Variants in UCHL5 observed in about 807,000 individuals in gnomAD.
UCHL5 encodes the protein ubiquitin carboxyl-terminal hydrolase isozyme L5.
UCHL5 carries 34 observed loss-of-function variants against 53.8 expected under a neutral mutation model. That is an observed-to-expected ratio of 0.63 (90% CI 0.48 to 0.84). The LOEUF is 0.84. Ranked by LOEUF, UCHL5 falls within the 40% of genes least tolerant of loss-of-function variation. The pLI is 0.00. For synonymous variants in UCHL5, 111 were observed against 126.3 expected (o/e 0.88, Z 0.81); for missense variants, 290 against 385.6 (o/e 0.75, Z 2.08).
intron 10 of UCHL5, chr1:193,018,465 A>C (rs1655637580): frequency 1.1e-6 from 1 of 874,924 alleles, no homozygotes; most frequent in South Asian, 5.4e-5. Flanking sequence ...ACATAATACA[A>C]GAAGTTTTAT....
chr1:193,029,771 C>A, intron 3 of UCHL5, 114 bp from the exon 4 acceptor site: 1 of 857,350 alleles, frequency 1.2e-6, no homozygotes, highest in Non-Finnish European at 1.7e-6. Context: ...TTTATGAAGT[C>A]TCAGCATAAA....
At position 193,044,341 on chromosome 1, in the gene UCHL5, G is replaced by A. The variant is rs577135598; in HGVS notation, c.246+5405C>T. 7.2e-5 allele frequency among the ~76,000 whole-genome samples: 11 copies of A among 152,172 alleles called. No homozygotes were observed. The East Asian group carries it at 1.7e-3, about 24-fold the overall frequency. ...TCTTTCCTGAAAGACTGAACACATG[G>A]AGTCACACAAATCCAGTACCACTGC... On this transcript the variant is annotated intron_variant, in intron 3 of 10. Coordinates refer to ENST00000367454, the MANE Select transcript of UCHL5 (RefSeq NM_001199261.3).
intron 3 of UCHL5, among the ~76,000 whole-genome samples, chr1:193,035,970 C>T (rs145848274): frequency 1.6e-3 from 245 of 151,250 alleles, no homozygotes; most frequent in African/African-American, 5.7e-3. Context: ...TCATGGTAAC[C>T]GCAATGCAAA....
At chr1:193,029,496 A>T (rs772227499) in intron 4 of UCHL5, 36 bp downstream of exon 4, 1 of 1,613,106 alleles carries the variant, frequency 6.2e-7, no homozygotes. Flanking sequence ...AACTTTCACA[A>T]ATATGACATT....
intron 3 of UCHL5, among the ~76,000 whole-genome samples, chr1:193,034,874 A>G (rs2102553643): frequency 6.6e-6 from 1 of 152,176 alleles, no homozygotes; most frequent in East Asian, 1.9e-4. Flanking sequence ...CAGAAAAAGG[A>G]TTTGAAAAAA....
At chr1:193,039,698 G>C (rs557078211) in intron 3 of UCHL5, among the ~76,000 whole-genome samples, 2 of 152,046 alleles carry the variant, frequency 1.3e-5, no homozygotes, top group Non-Finnish European at 2.9e-5. Flanking sequence ...AAGCAATCCT[G>C]AGCAAAAAGA....
At chr1:193,016,510 A>G (rs540022466) in intron 10 of UCHL5, 115 bp from the exon 11 acceptor site, 1 of 909,194 alleles carries the variant, frequency 1.1e-6, no homozygotes, top group South Asian at 1.8e-5. Flanking sequence ...TACATTGTTT[A>G]TAAGACTTCT....
intron 7 of UCHL5, 188 bp downstream of exon 7, chr1:193,027,897 C>A: frequency 2.0e-6 from 3 of 1,473,410 alleles, no homozygotes; most frequent in Middle Eastern, 2.5e-4. Flanking sequence ...TCGAGGCAGG[C>A]GGATGGCTTG....
upstream of UCHL5, chr1:193,059,905 T>A: frequency 7.3e-7 from 1 of 1,365,876 alleles, no homozygotes; most frequent in South Asian, 1.1e-5. The surrounding 1 kb of genome is among the most constrained non-coding windows in gnomAD (Gnocchi z 4.9). Flanking sequence ...CGCGAAACTA[T>A]CGCTCTTCCC....
At chr1:193,018,795 C>T (rs41305076) in intron 10 of UCHL5, 24,500 of 1,557,360 alleles carry the variant, frequency 0.016, 224 homozygotes, top group Non-Finnish European at 0.019. Flanking sequence ...TTCCTTCTCA[C>T]ACCTTGTTCT....
At chr1:193,030,580 A>C (rs931242285) in intron 3 of UCHL5, among the ~76,000 whole-genome samples, 3 of 152,214 alleles carry the variant, frequency 2.0e-5, no homozygotes, top group African/African-American at 7.2e-5. Context: ...ACCTTAGATG[A>C]TCAGTGTGAA....
intron 1 of UCHL5, among the ~76,000 whole-genome samples, chr1:193,056,181 T>C (rs1670572730): frequency 1.3e-5 from 2 of 152,342 alleles, no homozygotes; most frequent in South Asian, 4.1e-4. Context: ...TTGTTCATAA[T>C]ATTATTTTTA....
chr1:193,034,739 A>G (rs1182652040), intron 3 of UCHL5, among the ~76,000 whole-genome samples: 1 of 152,148 alleles, frequency 6.6e-6, no homozygotes, highest in Non-Finnish European at 1.5e-5. Flanking sequence ...AAAAGAGAAT[A>G]CACCCTGACC....
chr1:193,016,282 T>C lies in UCHL5; in HGVS notation c.*69A>G, dbSNP rs538095897. 101 of 1,569,942 alleles carry C rather than the reference T, an allele frequency of 6.4e-5. No homozygotes were observed. Among genetic ancestry groups the C allele is most frequent in the Non-Finnish European group, 7.8e-5 (90 of 1,159,130 alleles). On this transcript the variant is annotated 3_prime_UTR_variant, in exon 11 of 11. Coordinates refer to ENST00000367454, the MANE Select transcript of UCHL5 (RefSeq NM_001199261.3). ...AGCCAATTAGGATGTTGCTCTAAGT[T>C]CTTTATACATAATGGTTTCCATGAA...
At chr1:193,058,283 GAAC>G (rs1671418563) in intron 1 of UCHL5, among the ~76,000 whole-genome samples, 2 of 151,862 alleles carry the variant, frequency 1.3e-5, no homozygotes, top group African/African-American at 2.4e-5. Flanking sequence ...TATAGAAGAT[GAAC>G]AACATATGCT....
At chr1:193,043,751 T>C (rs1014354099) in intron 3 of UCHL5, among the ~76,000 whole-genome samples, 10 of 152,122 alleles carry the variant, frequency 6.6e-5, no homozygotes, top group Non-Finnish European at 1.3e-4. Context: ...ACTAAAAACT[T>C]TGGACACCAA....
intron 3 of UCHL5, among the ~76,000 whole-genome samples, chr1:193,033,333 C>A (rs970977307): frequency 6.6e-6 from 1 of 151,922 alleles, no homozygotes; most frequent in African/African-American, 2.4e-5. Flanking sequence ...ACAATGAGAA[C>A]GCATGGGCAC....
At chr1:193,039,055 G>A (rs1325889576) in intron 3 of UCHL5, among the ~76,000 whole-genome samples, 2 of 152,188 alleles carry the variant, frequency 1.3e-5, no homozygotes, top group Admixed American at 6.5e-5. Flanking sequence ...TATGCCAACA[G>A]TGAATCTGAA....
At chr1:193,050,776 TA>T (rs1668784997) in intron 2 of UCHL5, among the ~76,000 whole-genome samples, 2 of 151,768 alleles carry the variant, frequency 1.3e-5, no homozygotes, top group Admixed American at 1.3e-4. Context: ...AAAGGTTTCC[TA>T]TCTTTTTATT....
Sources: gnomAD v4.1 joint callset for allele counts (sites outside exome capture counted in the v4.1 genomes callset) on GRCh38, gnomAD v4.1.1 for gene constraint, Gnocchi (gnomAD v3.1) non-coding constraint, MANE v1.5 for transcripts, NCBI Gene and HGNC (gene_info 2026-07-23, HGNC 2026-07-21) for gene names.